The following GRIN2B variants were observed in gnomAD, a reference collection of about 807,000 sequenced individuals.
GRIN2B encodes glutamate receptor ionotropic, NMDA 2B.
Under a neutral mutation model 114.5 loss-of-function variants are expected in GRIN2B, and 5 were observed. That is an observed-to-expected ratio of 0.04 (90% CI 0.02 to 0.09). GRIN2B has a LOEUF of 0.09. GRIN2B is among the 10% of genes least tolerant of loss of function. The pLI is 1.00. For missense variants in GRIN2B, 1,108 were observed against 1,943.5 expected (o/e 0.57, Z 8.08); for synonymous variants, 787 against 745.1 (o/e 1.06, Z -0.92).
At chr12:13,625,147 C>T (rs536350302) in intron 5 of GRIN2B, among the ~76,000 whole-genome samples, 2 of 152,312 alleles carry the variant, frequency 1.3e-5, no homozygotes, top group African/African-American at 2.4e-5. Context: ...TATTAATTGC[C>T]TACAATATAG....
intron 4 of GRIN2B, among the ~76,000 whole-genome samples, chr12:13,699,323 T>A (rs182245506): frequency 6.6e-6 from 1 of 152,194 alleles, no homozygotes; most frequent in African/African-American, 2.4e-5. Context: ...AATAGATAAC[T>A]AATAAATGGT....
intron 3 of GRIN2B, among the ~76,000 whole-genome samples, chr12:13,862,597 C>T (rs1162766804): frequency 6.6e-6 from 1 of 151,660 alleles, no homozygotes; most frequent in Non-Finnish European, 1.5e-5. Flanking sequence ...AATAGTTGTC[C>T]AACTGTGTGT....
At chr12:13,675,076 C>T (rs867367075) in intron 5 of GRIN2B, among the ~76,000 whole-genome samples, 1 of 152,140 alleles carries the variant, frequency 6.6e-6, no homozygotes, top group African/African-American at 2.4e-5. Flanking sequence ...TGAGTGCTTA[C>T]TATGAACCAG....
At chr12:13,838,335 GA>G (rs1285319121) in intron 3 of GRIN2B, among the ~76,000 whole-genome samples, 1 of 152,144 alleles carries the variant, frequency 6.6e-6, no homozygotes, top group African/African-American at 2.4e-5. Context: ...ATTCTCTGAG[GA>G]AAAAACCCTA....
At chr12:13,570,996 C>A (rs2136414721) in intron 11 of GRIN2B, among the ~76,000 whole-genome samples, 1 of 152,272 alleles carries the variant, frequency 6.6e-6, no homozygotes, top group South Asian at 2.1e-4. Context: ...GCTCAAATTC[C>A]ATCTTCTGAA....
Position 13,548,166 on chromosome 12 carries a change from G to A in GRIN2B, c.*14617C>T, listed in dbSNP as rs1388587627. ...TGTGGATCTTGCTGTTCCGGAGCAA[G>A]CTCTGGGCTCTAAAATTGAGCTTAT... On this transcript the variant is annotated 3_prime_UTR_variant, in exon 14 of 14. Transcript: ENST00000609686. 1.3e-5 allele frequency: 2 copies of A among 151,328 alleles called. No individual in the cohort carries two copies. The highest frequency in any genetic ancestry group is 2.9e-5 in the Non-Finnish European group (2 of 67,888). 9.4% of individuals were successfully genotyped at this position (151,328 alleles called of 1,614,324 possible).
chr12:13,936,348 C>A (rs1042256014), intron 2 of GRIN2B, among the ~76,000 whole-genome samples: 2 of 152,128 alleles, frequency 1.3e-5, no homozygotes, highest in African/African-American at 4.8e-5. Flanking sequence ...TCCAGAAATG[C>A]CCCTCTGTAG....
chr12:13,669,996 A>G (rs1950008555), intron 5 of GRIN2B, among the ~76,000 whole-genome samples: 1 of 152,080 alleles, frequency 6.6e-6, no homozygotes, highest in Non-Finnish European at 1.5e-5. Flanking sequence ...AGATACTGGC[A>G]GAGCATTCTG....
intron 3 of GRIN2B, among the ~76,000 whole-genome samples, chr12:13,780,935 A>T (rs1864101129): frequency 6.6e-6 from 1 of 151,998 alleles, no homozygotes. Flanking sequence ...AATTTTATAG[A>T]TGTAGTATGA....
Position 13,615,910 on chromosome 12 carries a change from A to G in GRIN2B, c.1329-246T>C, listed in dbSNP as rs1041932753. On this transcript the variant is annotated intron_variant, in intron 6 of 13. Coordinates refer to ENST00000609686, the MANE Select transcript of GRIN2B (RefSeq NM_000834.5). This position sits in a 1 kb window ranked among gnomAD's most constrained non-coding sequence, Gnocchi z 5.8. ...AATTCTCCTTTGAAGTACAAAATAC[A>G]TAAGAAAAGGGTGCATATTTGAAGG... Among the ~76,000 whole-genome samples the G allele has an allele frequency of 4.6e-5, 7 of 152,310 alleles. No homozygotes were observed. Among genetic ancestry groups the G allele is most frequent in the African/African-American group, 1.7e-4 (7 of 41,552 alleles).
chr12:13,607,189 TA>T (rs1413306466), intron 10 of GRIN2B, among the ~76,000 whole-genome samples: 9 of 112,078 alleles, frequency 8.0e-5, no homozygotes, highest in East Asian at 6.9e-4. Context: ...AATAAATATA[TA>T]AAAAATATAT....
intron 5 of GRIN2B, among the ~76,000 whole-genome samples, chr12:13,671,661 T>C (rs1950023291): frequency 6.6e-6 from 1 of 152,182 alleles, no homozygotes; most frequent in Non-Finnish European, 1.5e-5. Flanking sequence ...CCTGTTCCCA[T>C]GCTGTCTCCA....
At chr12:13,689,517 CT>C (rs916856871) in intron 4 of GRIN2B, among the ~76,000 whole-genome samples, 43 of 152,224 alleles carry the variant, frequency 2.8e-4, no homozygotes, top group African/African-American at 9.9e-4. Flanking sequence ...TTTCTACTCC[CT>C]AAATGTTTAC....
At chr12:13,682,294 A>T (rs1436239569) in intron 4 of GRIN2B, among the ~76,000 whole-genome samples, 1 of 152,200 alleles carries the variant, frequency 6.6e-6, no homozygotes, top group Non-Finnish European at 1.5e-5. Flanking sequence ...TCATATATAA[A>T]AATATTAAAC....
At chr12:13,820,099 T>G (rs971567350) in intron 3 of GRIN2B, among the ~76,000 whole-genome samples, 8 of 152,270 alleles carry the variant, frequency 5.3e-5, no homozygotes, top group Non-Finnish European at 1.2e-4. Flanking sequence ...TCCAAAAGAT[T>G]GTACCAAATT....
At chr12:13,866,518 G>T (rs1392727405) in intron 2 of GRIN2B, among the ~76,000 whole-genome samples, 1 of 152,200 alleles carries the variant, frequency 6.6e-6, no homozygotes, top group Non-Finnish European at 1.5e-5. Flanking sequence ...GAGTGGTCCA[G>T]GTAGCCATGC....
At chr12:13,655,376 GGCCA>G (rs1186073526) in intron 5 of GRIN2B, among the ~76,000 whole-genome samples, 2 of 152,176 alleles carry the variant, frequency 1.3e-5, no homozygotes, top group African/African-American at 4.8e-5. Flanking sequence ...CAAAAATGCT[GGCCA>G]GATTCTTGCT....
Position 13,570,005 on chromosome 12 carries a change from G to A in GRIN2B, c.2184C>T (p.Ala728=), listed in dbSNP as rs1333618516. 1.9e-6 allele frequency: 3 copies of A among 1,611,952 alleles called. No individual in the cohort carries two copies. The highest frequency in any genetic ancestry group is 1.1e-5 in the South Asian group (1 of 90,978). Residue 728 remains alanine, a synonymous_variant, in exon 12 of 14, where the codon GCC becomes GCT. Coordinates refer to ENST00000609686, the MANE Select transcript of GRIN2B (RefSeq NM_000834.5). ...TCAGCACTGCTGCATCATAGATGAAGGCATCCAGTTTCCTGTACAGGAAAA... is the reference window on the plus strand; with the variant it reads ...TCAGCACTGCTGCATCATAGATGAAAGCATCCAGTTTCCTGTACAGGAAAA... ...LLSLKTGKLD[A]FIYDAAVLNY...
rs952644746 is a variant in GRIN2B, at chr12:13,697,704, T to C, written c.1011-21845A>G. Among the ~76,000 whole-genome samples the C allele has an allele frequency of 3.4e-4, 3 of 8,868 alleles. No homozygotes were observed. The Admixed American group carries it at 6.3e-3, about 19-fold the overall frequency. 5.8% of individuals were successfully genotyped at this position (8,868 alleles called of 152,430 possible). A position where few individuals can be genotyped will look rare whatever the true frequency, so the allele number is the denominator to read the frequency against. On this transcript the variant is annotated intron_variant, in intron 4 of 13. Coordinates refer to ENST00000609686, the MANE Select transcript of GRIN2B (RefSeq NM_000834.5). ...TCAGAAGCAATATAACCTCATCCAT[T>C]AAATCTGTGCGTGAAAACATGGTAT...
Sources: allele counts gnomAD v4.1 joint callset (sites outside exome capture counted in the v4.1 genomes callset), GRCh38; gene constraint gnomAD v4.1.1; non-coding constraint Gnocchi (gnomAD v3.1); transcripts MANE v1.5; gene names NCBI Gene and HGNC (gene_info 2026-07-23, HGNC 2026-07-21).